NBPF14: variants seen among roughly 807,000 people sequenced by gnomAD.
NBPF14 encodes NBPF family member NBPF14.
In NBPF14, 104 loss-of-function variants were observed where a neutral mutation model predicts 91.2. That is an observed-to-expected ratio of 1.14 (90% CI 0.97 to 1.34). NBPF14 has a LOEUF of 1.34. NBPF14 is among the 40% of genes most tolerant of loss of function. NBPF14 has a pLI of 0.00. For synonymous variants in NBPF14, 294 were observed against 303.8 expected (o/e 0.97, Z 0.34); for missense variants, 908 against 783.0 (o/e 1.16, Z -1.91).
exon 70 of NBPF14, chr1:148,533,913 T>G: frequency 1.3e-6 from 1 of 753,092 alleles, no homozygotes; most frequent in Non-Finnish European, 2.4e-6. Flanking sequence ...CCCCTTCTTC[T>G]TTCCTTCTTT....
At chr1:148,533,235 G>A (rs782366966) in exon 71 of NBPF14, 15 of 693,850 alleles carry the variant, frequency 2.2e-5, no homozygotes, top group Middle Eastern at 3.9e-4. Context: ...ACTTCCATCA[G>A]CACGCCGTTG....
At chr1:148,535,221 C>G (rs1364712141) in intron 68 of NBPF14, among the ~76,000 whole-genome samples, 2 of 150,072 alleles carry the variant, frequency 1.3e-5, no homozygotes, top group Non-Finnish European at 2.9e-5. Flanking sequence ...AGATTCCATA[C>G]AGTTGCCATA....
Position 148,559,792 on chromosome 1 carries a change from C to G in NBPF14, c.4729+1G>C. 1 of 1,495,578 alleles carries G rather than the reference C, an allele frequency of 6.7e-7. No homozygotes were observed. Among genetic ancestry groups the G allele is most frequent in the Non-Finnish European group, 9.0e-7 (1 of 1,113,108 alleles). 92.6% of individuals were successfully genotyped at this position (1,495,578 alleles called of 1,614,324 possible). A position where few individuals can be genotyped will look rare whatever the true frequency, so the allele number is the denominator to read the frequency against. On this transcript the variant is annotated splice_donor_variant, in intron 37 of 70. Transcript: ENST00000619423. LOFTEE classifies it high-confidence loss of function. ...TATCACCTTCATAGAAAGGTACTCA[C>G]CATCCATGTCAACAGCCAAGCCAAC...
chr1:148,590,086 T>C (rs2149576971), intron 6 of NBPF14, among the ~76,000 whole-genome samples: 1 of 131,930 alleles, frequency 7.6e-6, no homozygotes, highest in South Asian at 2.6e-4. Context: ...TCTCGCTCTG[T>C]CTCCCAGGCT....
intron 16 of NBPF14, 34 bp from the exon 17 acceptor site, chr1:148,575,845 G>T (rs1659593436): frequency 3.2e-6 from 1 of 313,466 alleles, no homozygotes. Flanking sequence ...GAATAAGCCA[G>T]GGGGAATCAG....
rs1663054910 is a variant in NBPF14, at chr1:148,594,871, T to C, written c.175+672A>G. ...CGCCAGGATGCCCATCCACTTTTTG[T>C]ATTTTTAGTGGAGATGGGGTTTCTC... On this transcript the variant is annotated intron_variant, in intron 2 of 70. Coordinates refer to ENST00000619423, the Ensembl canonical transcript of NBPF14. 2.2e-5 allele frequency among the ~76,000 whole-genome samples: 2 copies of C among 89,598 alleles called. 1 individual carries two copies. The highest frequency in any genetic ancestry group is 8.3e-4 in the South Asian group (2 of 2,404). The allele number at this position is 89,598 out of a possible 152,430, so 58.8% of individuals were successfully genotyped here. A position where few individuals can be genotyped will look rare whatever the true frequency, so the allele number is the denominator to read the frequency against.
At chr1:148,566,524 C>G (rs1329279911) in intron 28 of NBPF14, among the ~76,000 whole-genome samples, 7 of 128,296 alleles carry the variant, frequency 5.5e-5, no homozygotes, top group African/African-American at 1.9e-4. Context: ...CACACACACA[C>G]ACACACACAC....
At chr1:148,533,757 C>T in intron 70 of NBPF14, 104 bp downstream of exon 70, 7 of 760,654 alleles carry the variant, frequency 9.2e-6, no homozygotes, top group South Asian at 1.4e-5. Context: ...AGGAGTAATT[C>T]AGCCTTTGTT....
At chr1:148,566,551 AC>A (rs1658422692) in intron 28 of NBPF14, among the ~76,000 whole-genome samples, 1 of 143,918 alleles carries the variant, frequency 6.9e-6, no homozygotes, top group Non-Finnish European at 1.6e-5. Flanking sequence ...AAACACACAC[AC>A]ACACACAGAG....
chr1:148,561,917 C>G (rs1657879751), intron 34 of NBPF14, among the ~76,000 whole-genome samples: 2 of 125,632 alleles, frequency 1.6e-5, no homozygotes, highest in African/African-American at 8.5e-5. Flanking sequence ...TTAGTGCCCT[C>G]AGGACACACA....
rs1263360997 is a variant in NBPF14, at chr1:148,576,054, G to A, written c.2079-243C>T. ...AGAAAGTGAGCTCAGCGAATTGGCC[G>A]GGTGACACACTGATGAAGGGGTTAA... is the stretch of plus-strand genomic sequence containing the variant. On this transcript the variant is annotated intron_variant, in intron 16 of 70. Coordinates refer to ENST00000619423, the Ensembl canonical transcript of NBPF14. Among the ~76,000 whole-genome samples the A allele has an allele frequency of 3.3e-3, 487 of 146,736 alleles. 14 individuals carry two copies. The highest frequency in any genetic ancestry group is 0.01 in the Middle Eastern group (3 of 290).
intron 36 of NBPF14, among the ~76,000 whole-genome samples, 152 bp from the exon 37 acceptor site, chr1:148,560,117 T>C (rs1166293239): frequency 1.3e-3 from 196 of 148,244 alleles, no homozygotes; most frequent in African/African-American, 2.9e-3. Context: ...TATGTTGGGA[T>C]AGAACAGGGC....
exon 21 of NBPF14, chr1:148,572,578 C>T (rs1354265691): frequency 4.7e-6 from 3 of 641,494 alleles, no homozygotes; most frequent in East Asian, 5.4e-5. Flanking sequence ...TCCTGCAAGA[C>T]TTCAGGCTCT....
chr1:148,572,369 C>A, intron 21 of NBPF14, 74 bp downstream of exon 21: 2 of 353,192 alleles, frequency 5.7e-6, no homozygotes, highest in Non-Finnish European at 9.5e-6. Flanking sequence ...CAGTAAGGGG[C>A]ACTTGGAACA....
At position 148,587,175 on chromosome 1, in the gene NBPF14, GA is replaced by G. The variant is rs1328178694; in HGVS notation, c.1091+125del. ...TCTCTGATAAATATTTGTGTGTAGC[GA>G]GCCTGCCATGGCAATTCCTGCCCTT... On this transcript the variant is annotated intron_variant, in intron 8 of 70. Transcript: ENST00000619423. 2.5e-5 allele frequency: 19 copies of G among 770,716 alleles called. 3 individuals are homozygous for G. The highest frequency in any genetic ancestry group is 4.0e-5 in the Non-Finnish European group (18 of 444,854). The allele number at this position is 770,716 out of a possible 1,614,324, so 47.7% of individuals were successfully genotyped here.
At chr1:148,577,866 T>G in intron 14 of NBPF14, 117 bp downstream of exon 14, 3 of 593,948 alleles carry the variant, frequency 5.1e-6, no homozygotes, top group South Asian at 4.0e-5. Flanking sequence ...GTAGTAGGCA[T>G]AATTCAGACT....
Position 148,572,633 on chromosome 1 carries a change from A to C in NBPF14, c.2586-18T>G, listed in dbSNP as rs1480016286. The C allele has an allele frequency of 2.2e-5, 13 of 598,568 alleles. No homozygotes were observed. Among genetic ancestry groups the C allele is most frequent in the Non-Finnish European group, 3.5e-5 (12 of 341,682 alleles). 37.1% of individuals were successfully genotyped at this position (598,568 alleles called of 1,614,324 possible). ...TGCTGAGCCTGGAAAAGTGGGAAAA[A>C]GTAAAGAATAAGCCAGGGGGAATCA... is the stretch of plus-strand genomic sequence containing the variant. On this transcript the variant is annotated intron_variant, in intron 20 of 70. Transcript: ENST00000619423.
intron 7 of NBPF14, 72 bp from the exon 8 acceptor site, chr1:148,587,475 G>A: frequency 4.2e-6 from 6 of 1,429,246 alleles, no homozygotes; most frequent in Middle Eastern, 2.6e-4. Context: ...CTACAGGACA[G>A]GAGCCAGGTC....
intron 68 of NBPF14, 136 bp from the exon 69 acceptor site, chr1:148,534,992 T>G: frequency 2.8e-6 from 2 of 715,800 alleles, no homozygotes; most frequent in African/African-American, 1.9e-5. Context: ...AACGAATTAT[T>G]GCCTTTATGT....
Sources: gnomAD v4.1 joint callset for allele counts (sites outside exome capture counted in the v4.1 genomes callset) on GRCh38, gnomAD v4.1.1 for gene constraint, MANE v1.5 for transcripts, NCBI Gene and HGNC (gene_info 2026-07-23, HGNC 2026-07-21) for gene names.